The following LRBA variants were observed in gnomAD, a reference collection of about 807,000 sequenced individuals.
LRBA encodes the protein lipopolysaccharide-responsive and beige-like anchor protein.
LRBA carries 176 observed loss-of-function variants against 330.0 expected under a neutral mutation model. The ratio of observed to expected loss-of-function variants is 0.53; its 90% confidence interval spans 0.47 to 0.60. The LOEUF (loss-of-function observed/expected upper bound fraction) is 0.60. Ranked by LOEUF, LRBA falls within the 20% of genes least tolerant of loss-of-function variation. The pLI is 0.00. For synonymous variants in LRBA, 1,230 were observed against 1,193.0 expected, an observed-to-expected ratio of 1.03 and a Z score of -0.64; for missense variants, 3,259 against 3,444.8, an observed-to-expected ratio of 0.95 and a Z score of 1.35.
rs1437945979 is a variant in LRBA at position 150,506,845 on chromosome 4, A to G, written c.6331-15810T>C. ...TAGAAAACCCCATTGTCTCAGGCCA[A>G]AATCTCCTTAAGCTGATAAGCAACT... On this transcript the variant is annotated intron_variant, in intron 40 of 56. Transcript: ENST00000651943. Among the ~76,000 whole-genome samples the G allele has an allele frequency of 3.3e-5, 5 of 152,350 alleles. No homozygotes were observed. In the South Asian group the frequency reaches 6.2e-4, roughly 19 times the overall value.
intron 2 of LRBA, among the ~76,000 whole-genome samples, 157 bp from the exon 3 acceptor site, chr4:150,929,222 G>T (rs1734204640): frequency 6.6e-6 from 1 of 152,138 alleles, no homozygotes; most frequent in Admixed American, 6.5e-5. Flanking sequence ...TGAAGTTTCT[G>T]AAGTAATCTC....
chr4:150,309,762 A>G (rs1730822477), intron 52 of LRBA, among the ~76,000 whole-genome samples: 1 of 152,186 alleles, frequency 6.6e-6, no homozygotes, highest in South Asian at 2.1e-4. Context: ...ATGATGGTGT[A>G]GATTTCAGCA....
At chr4:150,667,185 A>T (rs2126850533) in intron 37 of LRBA, among the ~76,000 whole-genome samples, 1 of 152,308 alleles carries the variant, frequency 6.6e-6, no homozygotes, top group East Asian at 1.9e-4. Context: ...CAGCCTCCCA[A>T]ATATGTCTAA....
chr4:150,709,669 AATAGAC>A (rs1329224161), intron 36 of LRBA, among the ~76,000 whole-genome samples: 1 of 152,050 alleles, frequency 6.6e-6, no homozygotes, highest in Non-Finnish European at 1.5e-5. Flanking sequence ...ATATGTTATG[AATAGAC>A]ATAGAGTTCT....
chr4:150,692,459 A>G (rs1363687800), intron 36 of LRBA, among the ~76,000 whole-genome samples: 1 of 152,140 alleles, frequency 6.6e-6, no homozygotes, highest in Non-Finnish European at 1.5e-5. Context: ...AGCGCAAGCA[A>G]TCCACTCACC....
chr4:150,711,737 G>A (rs1333465105), intron 36 of LRBA, among the ~76,000 whole-genome samples: 2 of 152,206 alleles, frequency 1.3e-5, no homozygotes, highest in Admixed American at 1.3e-4. Flanking sequence ...TCCAGCAGTT[G>A]TAAAAATTAC....
chr4:150,579,706 C>T (rs1032434512), intron 40 of LRBA: 2 of 456,628 alleles, frequency 4.4e-6, no homozygotes, highest in Admixed American at 2.3e-5. Flanking sequence ...CGCGAAGGTC[C>T]GCTCGGCCTG....
At chr4:150,283,893 C>T (rs761612449) in intron 54 of LRBA, among the ~76,000 whole-genome samples, 1 of 152,226 alleles carries the variant, frequency 6.6e-6, no homozygotes, top group Non-Finnish European at 1.5e-5. Context: ...ACTGCATTAT[C>T]TGTTATTCAG....
intron 36 of LRBA, among the ~76,000 whole-genome samples, chr4:150,694,180 C>A (rs1784405093): frequency 6.6e-6 from 1 of 152,088 alleles, no homozygotes; most frequent in Non-Finnish European, 1.5e-5. Flanking sequence ...ATAATGGAAT[C>A]AAACTGTACA....
intron 47 of LRBA, among the ~76,000 whole-genome samples, chr4:150,392,097 T>C (rs1744055182): frequency 6.6e-6 from 1 of 152,102 alleles, no homozygotes; most frequent in African/African-American, 2.4e-5. Context: ...CACTTTATTA[T>C]TCACCCCAGC....
At chr4:150,273,561 G>A (rs1393490063) in intron 56 of LRBA, among the ~76,000 whole-genome samples, 3 of 151,890 alleles carry the variant, frequency 2.0e-5, no homozygotes, top group Non-Finnish European at 2.9e-5. Flanking sequence ...CTATATTCAG[G>A]AGACCCATCT....
At chr4:150,447,703 C>T (rs1336535332) in intron 44 of LRBA, among the ~76,000 whole-genome samples, 1 of 152,124 alleles carries the variant, frequency 6.6e-6, no homozygotes, top group Non-Finnish European at 1.5e-5. Context: ...GATACCACAT[C>T]AAGAGGAAAT....
At chr4:150,529,768 G>A (rs1409866551) in intron 40 of LRBA, among the ~76,000 whole-genome samples, 2 of 150,960 alleles carry the variant, frequency 1.3e-5, no homozygotes, top group Non-Finnish European at 2.9e-5. Flanking sequence ...AGACAAAGTA[G>A]ACTGTAACAA....
At chr4:150,720,844 C>T in intron 36 of LRBA, 1 of 274,322 alleles carries the variant, frequency 3.6e-6, no homozygotes, top group Non-Finnish European at 7.1e-6. Context: ...ACACAAAAAG[C>T]AAATCAGAAA....
At chr4:150,850,048 T>G (rs1750415818) in intron 24 of LRBA, among the ~76,000 whole-genome samples, 2 of 152,192 alleles carry the variant, frequency 1.3e-5, no homozygotes. Context: ...TACACAGATT[T>G]TTTTTAATGC....
rs1282663824 is a variant in LRBA at position 150,639,803 on chromosome 4, ATATG to A, written c.5922-40676_5922-40673del. 7.9e-3 allele frequency among the ~76,000 whole-genome samples: 38 copies of A among 4,814 alleles called. 1 individual carries two copies. Among genetic ancestry groups the A allele is most frequent in the African/African-American group, 0.022 (33 of 1,470 alleles). 3.2% of individuals were successfully genotyped at this position (4,814 alleles called of 152,430 possible). A position where few individuals can be genotyped will look rare whatever the true frequency, so the allele number is the denominator to read the frequency against. On this transcript the variant is annotated intron_variant, in intron 37 of 56. Coordinates refer to ENST00000651943, the MANE Select transcript of LRBA (RefSeq NM_001364905.1). ...TATATGTGTGTGTGTATATATATAT[ATATG>A]TGTGTGTGTGTGTATATATATATAT...
At chr4:150,638,615 C>A (rs1778169556) in intron 37 of LRBA, among the ~76,000 whole-genome samples, 1 of 151,396 alleles carries the variant, frequency 6.6e-6, no homozygotes, top group Non-Finnish European at 1.5e-5. Flanking sequence ...CTCATCATCA[C>A]TGGCCATCAG....
chr4:150,479,750 T>TTC lies in LRBA; in HGVS notation c.6551+7980_6551+7981dup, dbSNP rs527265837. On this transcript the variant is annotated intron_variant, in intron 42 of 56. Transcript: ENST00000651943. ...TTTAAAAATTGGGGTTTCTGCTTCA[T>TTC]TCTCTCTTGGATCACTTGCTCTGCA... Among the ~76,000 whole-genome samples, 380 of 152,296 alleles carry TTC rather than the reference T, an allele frequency of 2.5e-3. 2 individuals carry two copies. The highest frequency in any genetic ancestry group is 0.01 in the Middle Eastern group (3 of 294).
intron 34 of LRBA, among the ~76,000 whole-genome samples, chr4:150,771,197 T>C (rs1248658437): frequency 6.6e-6 from 1 of 152,028 alleles, no homozygotes; most frequent in Non-Finnish European, 1.5e-5. Flanking sequence ...TCACTAGAGG[T>C]AATAACAAGT....
Sources: allele counts gnomAD v4.1 joint callset (sites outside exome capture counted in the v4.1 genomes callset), GRCh38; gene constraint gnomAD v4.1.1; transcripts MANE v1.5; gene names NCBI Gene and HGNC (gene_info 2026-07-23, HGNC 2026-07-21).